STIL: variants seen among roughly 807,000 people sequenced by gnomAD.
STIL encodes STIL centriolar assembly protein.
In STIL, 55 loss-of-function variants were observed where a neutral mutation model predicts 110.1. The observed-to-expected ratio is 0.50, with a 90% CI of 0.40 to 0.63. The LOEUF is 0.63. Ranked by LOEUF, STIL falls within the 20% of genes least tolerant of loss-of-function variation. The probability of loss-of-function intolerance (pLI) is 0.00; values close to 1 mark genes in which losing one functional copy is unlikely to be tolerated. For missense variants in STIL, 1,358 were observed against 1,530.0 expected (o/e 0.89, Z 1.87); for synonymous variants, 481 against 530.0 (o/e 0.91, Z 1.27).
chr1:47,261,478 AC>A (rs1429146924), intron 15 of STIL, among the ~76,000 whole-genome samples: 1 of 151,416 alleles, frequency 6.6e-6, no homozygotes, highest in Non-Finnish European at 1.5e-5. Flanking sequence ...TGTGGCTCAA[AC>A]CTGTAATCCC....
rs985311896 is a variant in STIL at position 47,289,557 on chromosome 1, T to C, written c.901A>G (p.Ile301Val). 1.2e-6 allele frequency: 2 copies of C among 1,613,818 alleles called. No individual in the cohort carries two copies. The highest frequency in any genetic ancestry group is 1.3e-5 in the African/African-American group (1 of 75,050). Residue 301 changes from isoleucine to valine, a missense_variant, in exon 9 of 17, where the codon ATA (isoleucine) becomes GTA (valine). Physicochemically the swap from Ile to Val is conservative, Grantham distance 29. Coordinates refer to ENST00000371877, the MANE Select transcript of STIL (RefSeq NM_001048166.1). ...RVFSESGNFI[I>V]VLYSMTHKEP... ...TTATGTGTCATAGAATAGAGAACTA[T>C]GATGAAATTTCCAGATTCTGAAAAA... is the stretch of plus-strand genomic sequence containing the variant.
chr1:47,292,413 C>G (rs1645521770), intron 8 of STIL, among the ~76,000 whole-genome samples: 1 of 152,100 alleles, frequency 6.6e-6, no homozygotes, highest in South Asian at 2.1e-4. Flanking sequence ...CTTTTAGAAA[C>G]TTATCCTACA....
chr1:47,277,602 G>C (rs1645029979), intron 12 of STIL, among the ~76,000 whole-genome samples: 1 of 152,184 alleles, frequency 6.6e-6, no homozygotes, highest in South Asian at 2.1e-4. Flanking sequence ...AGATAGTAAA[G>C]AGTAGTTAAG....
At chr1:47,298,839 G>A (rs1338748753) in intron 6 of STIL, among the ~76,000 whole-genome samples, 1 of 151,890 alleles carries the variant, frequency 6.6e-6, no homozygotes, top group Admixed American at 6.6e-5. Flanking sequence ...TGCCTCCCAG[G>A]TTCAAGCGAT....
chr1:47,291,232 A>G (rs1413527597), intron 8 of STIL, among the ~76,000 whole-genome samples: 3 of 151,858 alleles, frequency 2.0e-5, no homozygotes, highest in African/African-American at 4.8e-5. Context: ...ATGGTGGCAC[A>G]TGCCTGTAAT....
chr1:47,251,001 C>T lies in STIL; in HGVS notation c.*135G>A, dbSNP rs1201962113. The T allele has an allele frequency of 2.5e-6, 2 of 788,838 alleles. No individual in the cohort carries two copies. The highest frequency in any genetic ancestry group is 4.0e-6 in the Non-Finnish European group (2 of 505,680). The allele number at this position is 788,838 out of a possible 1,614,324, so 48.9% of individuals were successfully genotyped here. A position where few individuals can be genotyped will look rare whatever the true frequency, so the allele number is the denominator to read the frequency against. On this transcript the variant is annotated 3_prime_UTR_variant, in exon 17 of 17. Transcript: ENST00000371877. ...CACCAGCCAGCCATCTCACAGAAGT[C>T]ACTCTTCCCAATTGGCTGCTACCAA...
chr1:47,299,031 C>A (rs1395524280), intron 6 of STIL, among the ~76,000 whole-genome samples: 1 of 122,130 alleles, frequency 8.2e-6, no homozygotes, highest in Non-Finnish European at 1.6e-5. Context: ...TTTTTACCAC[C>A]ACTTTTTTTT....
At chr1:47,308,448 C>T (rs949175412) in intron 2 of STIL, among the ~76,000 whole-genome samples, 1 of 151,646 alleles carries the variant, frequency 6.6e-6, no homozygotes, top group African/African-American at 2.4e-5. Flanking sequence ...GAATAAATTC[C>T]TGTCATTTGC....
chr1:47,277,638 C>T (rs1357136808), intron 12 of STIL, among the ~76,000 whole-genome samples: 23 of 151,978 alleles, frequency 1.5e-4, no homozygotes, highest in Admixed American at 1.5e-3. Context: ...CAAAGCAGAG[C>T]CTGGGTTTGT....
chr1:47,287,075 A>G (rs1013402503), intron 10 of STIL, among the ~76,000 whole-genome samples: 25 of 151,976 alleles, frequency 1.6e-4, no homozygotes, highest in African/African-American at 5.8e-4. Flanking sequence ...TAAAACTATA[A>G]GGAAGGGTTG....
At chr1:47,280,157 A>G in intron 12 of STIL, 84 bp downstream of exon 12, 1 of 1,566,738 alleles carries the variant, frequency 6.4e-7, no homozygotes, top group South Asian at 1.1e-5. Flanking sequence ...ACTTCTATAA[A>G]ACATCATTAC....
intron 16 of STIL, among the ~76,000 whole-genome samples, chr1:47,258,992 C>CTGTTTTTTTTTTTTT (rs1644398809): frequency 1.1e-5 from 1 of 94,402 alleles, no homozygotes; most frequent in East Asian, 2.6e-4. Context: ...AGTAACTTTG[C>CTGTTTTTTTTTTTTT]TTTTTTTTTT....
rs2758741 is a variant in STIL at position 47,272,258 on chromosome 1, C to T, written c.2218-17G>A. On this transcript the variant is annotated splice_polypyrimidine_tract_variant and intron_variant, in intron 12 of 16. Coordinates refer to ENST00000371877, the MANE Select transcript of STIL (RefSeq NM_001048166.1). ...ACGCTGAATCTGTATCAATTAAAAA[C>T]ATACTTTAAACTGACAGGGAAGTAA... is the stretch of plus-strand genomic sequence containing the variant. The T allele has an allele frequency of 0.016, 26,220 of 1,613,884 alleles. 1,283 individuals carry two copies. The East Asian group carries it at 0.17, about 10-fold the overall frequency.
At position 47,280,414 on chromosome 1, in the gene STIL, G is replaced by A; in HGVS notation, c.2044C>T (p.Pro682Ser). The A allele has an allele frequency of 1.2e-6, 2 of 1,614,232 alleles. No individual in the cohort carries two copies. Among genetic ancestry groups the A allele is most frequent in the Non-Finnish European group, 8.5e-7 (1 of 1,180,038 alleles). The change falls in exon 12 of 17, where the codon CCA becomes TCA. Residue 682 changes from proline to serine, a missense_variant. Transcript: ENST00000371877. Reference protein sequence around the residue: ...GSCSPHSNIEPSPVARPPSHM... With the variant: ...GSCSPHSNIESSPVARPPSHM... ...GAAGGCGGTCTTGCCACAGGCGATG[G>A]TTCAATATTGCTGTGGGGAGAACAA...
At chr1:47,289,374 A>C (rs1645408387) in intron 9 of STIL, 61 bp downstream of exon 9, 4 of 1,484,474 alleles carry the variant, frequency 2.7e-6, no homozygotes, top group Admixed American at 1.7e-5. Flanking sequence ...TGTTGGGTTT[A>C]AACTGCCAAA....
In STIL at chr1:47,251,117, A is replaced by T; in HGVS notation, c.*19T>A. 1 of 1,609,620 alleles carries T rather than the reference A, an allele frequency of 6.2e-7. No homozygotes were observed. The highest frequency in any genetic ancestry group is 8.5e-7 in the Non-Finnish European group (1 of 1,177,576). ...GGAGACACCCTGTCCCTGTATTAAA[A>T]GGGCAGGGAGTTAAAAGGTTAAAAT... On this transcript the variant is annotated 3_prime_UTR_variant, in exon 17 of 17. Coordinates refer to ENST00000371877, the MANE Select transcript of STIL (RefSeq NM_001048166.1).
At chr1:47,290,437 G>A (rs1645448579) in intron 8 of STIL, among the ~76,000 whole-genome samples, 1 of 152,184 alleles carries the variant, frequency 6.6e-6, no homozygotes, top group Non-Finnish European at 1.5e-5. Context: ...CGGGCGCAGT[G>A]GCTCACGCCT....
chr1:47,305,725 CTTTTTTTTTTT>C (rs71572652), intron 2 of STIL, among the ~76,000 whole-genome samples: 411 of 43,444 alleles, frequency 9.5e-3, no homozygotes, highest in Admixed American at 0.032. Context: ...CACGCCTGGC[CTTTTTTTTTTT>C]TTTTTTTTTT....
intron 12 of STIL, among the ~76,000 whole-genome samples, chr1:47,276,401 T>C (rs945826994): frequency 1.5e-4 from 23 of 151,924 alleles, no homozygotes; most frequent in Admixed American, 7.9e-4. Context: ...CACACGCATA[T>C]GCATATACAT....
Sources: allele counts gnomAD v4.1 joint callset (sites outside exome capture counted in the v4.1 genomes callset), GRCh38; gene constraint gnomAD v4.1.1; transcripts MANE v1.5; gene names NCBI Gene and HGNC (gene_info 2026-07-23, HGNC 2026-07-21).